Variants in RANBP2 observed in about 807,000 individuals in gnomAD.
RANBP2 encodes RAN binding protein 2, also known as E3 SUMO-protein ligase RanBP2.
A neutral mutation model predicts 303.6 loss-of-function variants in RANBP2; 57 were observed. The ratio of observed to expected loss-of-function variants is 0.19; its 90% CI spans 0.15 to 0.23. The LOEUF is 0.23. RANBP2 is among the 10% of genes least tolerant of loss of function. RANBP2 has a pLI of 1.00. For missense variants in RANBP2, 3,138 were observed against 3,780.8 expected, an observed-to-expected ratio of 0.83 and a Z score of 4.46; for synonymous variants, 1,167 against 1,301.5, an observed-to-expected ratio of 0.90 and a Z score of 2.23.
the RANBP2 span, among the ~76,000 whole-genome samples, chr2:109,208,724 A>C: frequency 2.6e-5 from 4 of 152,242 alleles, no homozygotes; most frequent in Admixed American, 6.5e-5. Context: ...TGCTGTGGGA[A>C]TATGCCAGTG....
At chr2:109,054,440 C>T in the RANBP2 span, among the ~76,000 whole-genome samples, 1 of 152,140 alleles carries the variant, frequency 6.6e-6, no homozygotes, top group Non-Finnish European at 1.5e-5. Context: ...GGCGCGGTGG[C>T]TCACGCCTGT....
At chr2:109,077,851 T>A in the RANBP2 span, among the ~76,000 whole-genome samples, 3 of 149,272 alleles carry the variant, frequency 2.0e-5, no homozygotes, top group Admixed American at 1.3e-4. Context: ...TCTTATACAC[T>A]GTTCATGGGA....
the RANBP2 span, chr2:108,805,012 A>T: frequency 2.0e-6 from 3 of 1,481,122 alleles, no homozygotes; most frequent in Non-Finnish European, 9.1e-7. Context: ...AAAACAGGTA[A>T]GACCTGTTTT....
At chr2:108,849,989 A>G in the RANBP2 span, among the ~76,000 whole-genome samples, 1 of 152,250 alleles carries the variant, frequency 6.6e-6, no homozygotes, top group Non-Finnish European at 1.5e-5. Context: ...TGCATGGGCC[A>G]GTGAATACAA....
the RANBP2 span, among the ~76,000 whole-genome samples, chr2:109,418,977 T>C: frequency 1.3e-5 from 2 of 152,148 alleles, no homozygotes; most frequent in African/African-American, 4.8e-5. Flanking sequence ...CCCCTGATGC[T>C]GACCGTTCCT....
chr2:108,996,028 G>A, the RANBP2 span, among the ~76,000 whole-genome samples: 1 of 152,188 alleles, frequency 6.6e-6, no homozygotes, highest in Non-Finnish European at 1.5e-5. Flanking sequence ...GATAAGCAAG[G>A]TTTAAGAAAG....
At chr2:109,271,434 G>T in the RANBP2 span, among the ~76,000 whole-genome samples, 66 of 152,340 alleles carry the variant, frequency 4.3e-4, no homozygotes, top group Admixed American at 1.9e-3. Flanking sequence ...TGGAGTAAGA[G>T]TTTTTCAACA....
the RANBP2 span, among the ~76,000 whole-genome samples, chr2:108,988,484 G>C: frequency 7.2e-5 from 11 of 152,234 alleles, no homozygotes; most frequent in Admixed American, 2.6e-4. Flanking sequence ...CCAGGATATG[G>C]GGGGTCTCAG....
chr2:108,764,020 G>A lies in RANBP2; in HGVS notation c.3481G>A (p.Ala1161Thr). The A allele has an allele frequency of 6.2e-7, 1 of 1,613,924 alleles. No individual in the cohort carries two copies. The highest frequency in any genetic ancestry group is 8.5e-7 in the Non-Finnish European group (1 of 1,179,844). ...NKNHETDGGSAHGDDDDDGPH... is the reference protein window; with the variant it reads ...NKNHETDGGSTHGDDDDDGPH... ...GAATCATGAGACAGATGGAGGAAGT[G>A]CCCATGGGGATGATGATGATGACGG... The change falls in exon 20 of 29, where the codon GCC (alanine) becomes ACC (threonine). Residue 1161 changes from alanine (A) to threonine (T), a missense_variant. Ala to Thr is a moderately conservative substitution (Grantham distance 58). Coordinates refer to ENST00000283195, the MANE Select transcript of RANBP2 (RefSeq NM_006267.5).
At chr2:108,967,029 G>A in the RANBP2 span, among the ~76,000 whole-genome samples, 8 of 152,286 alleles carry the variant, frequency 5.3e-5, no homozygotes, top group East Asian at 1.4e-3. Context: ...CTGCTTCCCA[G>A]GTTCAAGCAA....
rs1455467831 is a variant in RANBP2 at position 108,758,452 on chromosome 2, G to C, written c.2506G>C (p.Ala836Pro). 1 of 1,611,440 alleles carries C rather than the reference G, an allele frequency of 6.2e-7. No homozygotes were observed. Among genetic ancestry groups the C allele is most frequent in the Non-Finnish European group, 8.5e-7 (1 of 1,179,808 alleles). ...QELKLNSSNS[A>P]SPHRWPTENY... ...GTTGAAACTAAATAGCAGTAACTCA[G>C]CATCCCCTCATCGTTGGCCCACAGA... The change falls in exon 18 of 29, where the codon GCA becomes CCA. Residue 836 changes from alanine (A) to proline (P), a missense_variant. Ala to Pro is a conservative substitution (Grantham distance 27). Transcript: ENST00000283195.
the RANBP2 span, among the ~76,000 whole-genome samples, chr2:109,688,468 A>G: frequency 6.6e-6 from 1 of 152,072 alleles, no homozygotes; most frequent in Non-Finnish European, 1.5e-5. Flanking sequence ...TGGAGCCCCT[A>G]CTTTTCCTTT....
the RANBP2 span, chr2:108,912,639 C>T: frequency 1.3e-6 from 2 of 1,535,206 alleles, no homozygotes; most frequent in Non-Finnish European, 8.9e-7. Flanking sequence ...CCGAGTACCA[C>T]CTAACTCCAG....
the RANBP2 span, chr2:109,614,826 G>A: frequency 7.0e-7 from 1 of 1,433,360 alleles, no homozygotes; most frequent in Non-Finnish European, 9.1e-7. Flanking sequence ...TGCCGGGCCC[G>A]AGGCGCGCGA....
the RANBP2 span, among the ~76,000 whole-genome samples, chr2:109,273,802 T>C: frequency 2.6e-5 from 4 of 152,138 alleles, no homozygotes; most frequent in African/African-American, 7.2e-5. Flanking sequence ...AATCCAGATA[T>C]GCTGCTTGAG....
chr2:109,347,780 T>C, the RANBP2 span: 4 of 1,613,910 alleles, frequency 2.5e-6, no homozygotes, highest in Non-Finnish European at 3.4e-6. Flanking sequence ...CGGCGCAAGG[T>C]GGATGAACAG....
chr2:108,776,654 A>C (rs973343748), intron 24 of RANBP2, among the ~76,000 whole-genome samples: 1 of 152,202 alleles, frequency 6.6e-6, no homozygotes, highest in Non-Finnish European at 1.5e-5. Context: ...GAGATCATGC[A>C]GCTTCACATT....
At chr2:109,563,592 C>A in the RANBP2 span, among the ~76,000 whole-genome samples, 1 of 152,146 alleles carries the variant, frequency 6.6e-6, no homozygotes, top group Admixed American at 6.5e-5. Context: ...GGATACAGCA[C>A]CATATAAAAT....
the RANBP2 span, among the ~76,000 whole-genome samples, chr2:109,188,058 G>A: frequency 6.6e-6 from 1 of 152,206 alleles, no homozygotes; most frequent in Non-Finnish European, 1.5e-5. Context: ...AGCCCACCCC[G>A]TGAGCGTAGT....
Sources: allele counts gnomAD v4.1 joint callset (sites outside exome capture counted in the v4.1 genomes callset), GRCh38; gene constraint gnomAD v4.1.1; transcripts MANE v1.5; gene names NCBI Gene and HGNC (gene_info 2026-07-23, HGNC 2026-07-21).